Variants in PLCG2 observed in about 807,000 individuals in gnomAD.
The protein encoded by PLCG2 is 1-phosphatidylinositol 4,5-bisphosphate phosphodiesterase gamma-2.
A neutral mutation model predicts 175.6 loss-of-function variants in PLCG2; 69 were observed. The ratio of observed to expected loss-of-function variants is 0.39; its 90% CI spans 0.32 to 0.48. PLCG2 has a LOEUF of 0.48. Ranked by LOEUF, PLCG2 falls within the 20% of genes least tolerant of loss-of-function variation. The pLI, the probability that PLCG2 is intolerant of heterozygous loss-of-function variation, is 0.91. For missense variants in PLCG2, 1,798 were observed against 1,650.9 expected (o/e 1.09, Z -1.54); for synonymous variants, 827 against 624.0 (o/e 1.33, Z -4.85).
chr16:81,908,706 G>C, intron 17 of PLCG2, 115 bp downstream of exon 17: 1 of 874,546 alleles, frequency 1.1e-6, no homozygotes, highest in South Asian at 1.8e-5. Context: ...CTGAATCCCA[G>C]GCTTCATTTG....
intron 9 of PLCG2, among the ~76,000 whole-genome samples, chr16:81,884,994 C>A (rs1388268511): frequency 6.6e-6 from 1 of 151,914 alleles, no homozygotes; most frequent in African/African-American, 2.4e-5. Flanking sequence ...CTCAACCGAT[C>A]CTCCTGCCTC....
At chr16:81,864,324 C>A (rs914008080) in intron 5 of PLCG2, among the ~76,000 whole-genome samples, 4 of 152,168 alleles carry the variant, frequency 2.6e-5, no homozygotes, top group African/African-American at 4.8e-5. Flanking sequence ...CACAGGTGGC[C>A]ATTTCAACAA....
intron 1 of PLCG2, among the ~76,000 whole-genome samples, chr16:81,749,191 G>A (rs1355954922): frequency 6.6e-6 from 1 of 152,076 alleles, no homozygotes; most frequent in Non-Finnish European, 1.5e-5. Context: ...GAAGGTAGGA[G>A]CTAACTCAGC....
In PLCG2 at chr16:81,953,615, G is replaced by T. The variant is rs547739523; in HGVS notation, c.3571-3080G>T. 2.0e-5 allele frequency among the ~76,000 whole-genome samples: 3 copies of T among 152,276 alleles called. No homozygotes were observed. The East Asian group carries it at 5.8e-4, about 29-fold the overall frequency. On this transcript the variant is annotated intron_variant, in intron 31 of 32. Coordinates refer to ENST00000564138, the MANE Select transcript of PLCG2 (RefSeq NM_002661.5). ...AATAAAACAAACTAAATTTTTAAGT[G>T]AAAACTCAGACTCAAAAGAAATCCA...
chr16:81,936,054 A>T, intron 26 of PLCG2, 115 bp from the exon 27 acceptor site: 1 of 1,485,056 alleles, frequency 6.7e-7, no homozygotes, highest in Non-Finnish European at 8.9e-7. Context: ...TGAATGTCAA[A>T]GAGGGAGATT....
At position 81,939,914 on chromosome 16, in the gene PLCG2, C is replaced by T. The variant is rs193128632; in HGVS notation, c.3336C>T (p.Ile1112=). The change falls in exon 30 of 33, where the codon ATC becomes ATT. Residue 1112 remains isoleucine (I), a synonymous_variant. Transcript: ENST00000564138. Reference sequence around the variant, plus strand: ...CAGATGATAATGGCCTCAGCCCTATCTGGGCTCCAACACAGGAGAAGGTGA... The same window carrying T: ...CAGATGATAATGGCCTCAGCCCTATTTGGGCTCCAACACAGGAGAAGGTGA... ...TVVNDNGLSP[I]WAPTQEKVTF... The T allele has an allele frequency of 1.8e-5, 29 of 1,613,582 alleles. No individual in the cohort carries two copies. In the Admixed American group the frequency reaches 3.8e-4, roughly 21 times the overall value.
At chr16:81,891,022 G>C (rs1314808370) in intron 10 of PLCG2, among the ~76,000 whole-genome samples, 2 of 152,068 alleles carry the variant, frequency 1.3e-5, no homozygotes, top group Non-Finnish European at 2.9e-5. Context: ...AATTAGCCTG[G>C]TGTGGTGGTG....
chr16:81,827,300 C>T (rs1442124509), intron 2 of PLCG2, among the ~76,000 whole-genome samples: 1 of 151,740 alleles, frequency 6.6e-6, no homozygotes, highest in Non-Finnish European at 1.5e-5. Context: ...GATCTTATCT[C>T]AGTCTCCCAA....
At chr16:81,758,553 T>G (rs1438528126) in intron 2 of PLCG2, among the ~76,000 whole-genome samples, 3 of 152,196 alleles carry the variant, frequency 2.0e-5, no homozygotes. Context: ...GCTCTGCGTT[T>G]GACCTTTTGA....
At chr16:81,816,863 C>T (rs886855517) in intron 2 of PLCG2, among the ~76,000 whole-genome samples, 4 of 151,902 alleles carry the variant, frequency 2.6e-5, no homozygotes, top group Non-Finnish European at 4.4e-5. Flanking sequence ...AGTGCGGTTG[C>T]GCTGTTATCA....
rs539325122 is a variant in PLCG2 at position 81,953,592 on chromosome 16, T to C, written c.3571-3103T>C. ...TATTACCAAAAGCTTCATTTTCTAATAAAACAAACTAAATTTTTAAGTGAA... is the reference window on the plus strand; with the variant it reads ...TATTACCAAAAGCTTCATTTTCTAACAAAACAAACTAAATTTTTAAGTGAA... On this transcript the variant is annotated intron_variant, in intron 31 of 32. Coordinates refer to ENST00000564138, the MANE Select transcript of PLCG2 (RefSeq NM_002661.5). Among the ~76,000 whole-genome samples, 8 of 152,292 alleles carry C rather than the reference T, an allele frequency of 5.3e-5. No individual in the cohort carries two copies. The East Asian group carries it at 1.5e-3, about 29-fold the overall frequency.
intron 23 of PLCG2, among the ~76,000 whole-genome samples, chr16:81,928,284 G>C (rs1910359900): frequency 6.6e-6 from 1 of 152,096 alleles, no homozygotes; most frequent in Non-Finnish European, 1.5e-5. Context: ...CAGATCTGAG[G>C]AAGCATTATG....
Position 81,768,552 on chromosome 16 carries a change from G to GTTTTTT in PLCG2, c.-48+12608_-48+12613dup, listed in dbSNP as rs769292122. 4.6e-4 allele frequency among the ~76,000 whole-genome samples: 48 copies of GTTTTTT among 105,414 alleles called. 3 individuals carry two copies. Among genetic ancestry groups the GTTTTTT allele is most frequent in the African/African-American group, 1.7e-3 (43 of 24,622 alleles). 69.2% of individuals were successfully genotyped at this position (105,414 alleles called of 152,430 possible). A position where few individuals can be genotyped will look rare whatever the true frequency, so the allele number is the denominator to read the frequency against. Reference sequence around the variant, plus strand: ...TCACCAGCACTCGGTGTTATCCTCAGTTTTTTTTTTTTTTTTTTTTTTTTT... The same window carrying GTTTTTT: ...TCACCAGCACTCGGTGTTATCCTCAGTTTTTTTTTTTTTTTTTTTTTTTTTTTTTTT... On this transcript the variant is annotated intron_variant, in intron 2 of 5. Transcript: ENST00000565054.
chr16:81,838,249 G>T (rs368773136), intron 2 of PLCG2, among the ~76,000 whole-genome samples: 1 of 151,914 alleles, frequency 6.6e-6, no homozygotes, highest in Non-Finnish European at 1.5e-5. Flanking sequence ...ACCATGCCTG[G>T]CTAATGTTTA....
chr16:81,929,286 C>T (rs1011121292), intron 24 of PLCG2, among the ~76,000 whole-genome samples: 1 of 152,224 alleles, frequency 6.6e-6, no homozygotes, highest in Non-Finnish European at 1.5e-5. Flanking sequence ...CTGGGCAGCC[C>T]ATGACCCTCC....
At chr16:81,951,010 CAG>C (rs1312317226) in intron 31 of PLCG2, among the ~76,000 whole-genome samples, 2 of 151,598 alleles carry the variant, frequency 1.3e-5, no homozygotes, top group Non-Finnish European at 3.0e-5. Context: ...TGTTTTGAGA[CAG>C]TGTTTTTTTC....
chr16:81,824,580 G>A (rs761449239), intron 2 of PLCG2, among the ~76,000 whole-genome samples: 3 of 152,218 alleles, frequency 2.0e-5, no homozygotes, highest in Non-Finnish European at 4.4e-5. Context: ...TTCTCACCAT[G>A]TTCCTCGTGT....
chr16:81,961,947 G>A lies in PLCG2; in HGVS notation c.*3949G>A, dbSNP rs530956914. 4.8e-4 allele frequency: 95 copies of A among 197,454 alleles called. No homozygotes were observed. In the Middle Eastern group the frequency reaches 5.3e-3, roughly 11 times the overall value. 12.2% of individuals were successfully genotyped at this position (197,454 alleles called of 1,614,324 possible). ...GATCGGATGTGAGGGCGATCTGGCT[G>A]CGACATCTGTCACCCCATTGATCGC... is the stretch of plus-strand genomic sequence containing the variant. On this transcript the variant is annotated 3_prime_UTR_variant, in exon 33 of 33. Transcript: ENST00000564138.
chr16:81,809,258 A>T (rs1384278394), intron 2 of PLCG2, among the ~76,000 whole-genome samples: 1 of 152,130 alleles, frequency 6.6e-6, no homozygotes, highest in African/African-American at 2.4e-5. Context: ...GGCTTCTGCT[A>T]GCCTGTGGTG....
Sources: allele counts gnomAD v4.1 joint callset (sites outside exome capture counted in the v4.1 genomes callset), GRCh38; gene constraint gnomAD v4.1.1; transcripts MANE v1.5; gene names NCBI Gene and HGNC (gene_info 2026-07-23, HGNC 2026-07-21).